KCNT1: variants seen among roughly 807,000 people sequenced by gnomAD.
KCNT1 encodes the protein potassium sodium-activated channel subfamily T member 1.
A neutral mutation model predicts 147.8 loss-of-function variants in KCNT1; 78 were observed. The ratio of observed to expected loss-of-function variants is 0.53; its 90% CI spans 0.44 to 0.64. KCNT1 has a LOEUF of 0.64. KCNT1 is among the 30% of genes least tolerant of loss of function. KCNT1 has a pLI of 0.00. For synonymous variants in KCNT1, 867 were observed against 748.8 expected (o/e 1.16, Z -2.58); for missense variants, 1,419 against 1,750.3 (o/e 0.81, Z 3.38).
At chr9:135,768,756 C>G (rs1832507043) in intron 14 of KCNT1, 73 bp from the exon 15 acceptor site, 1 of 1,542,366 alleles carries the variant, frequency 6.5e-7, no homozygotes, top group Non-Finnish European at 8.8e-7. Flanking sequence ...GAGACCTGCC[C>G]CAGGCTGCCG....
At position 135,784,460 on chromosome 9, in the gene KCNT1, C is replaced by T. The variant is rs192706978; in HGVS notation, c.2944-75C>T. 6,744 of 1,089,060 alleles carry T rather than the reference C, an allele frequency of 6.2e-3. 60 individuals are homozygous for T. Among genetic ancestry groups the T allele is most frequent in the Admixed American group, 7.2e-3 (354 of 48,848 alleles). The allele number at this position is 1,089,060 out of a possible 1,614,324, so 67.5% of individuals were successfully genotyped here. A position where few individuals can be genotyped will look rare whatever the true frequency, so the allele number is the denominator to read the frequency against. On this transcript the variant is annotated intron_variant, in intron 25 of 30. Transcript: ENST00000371757. ...GGGGTATGGACCTGTGTCCCACGCC[C>T]GTGCCCGCGTGCCTCACTGTGGCTC...
chr9:135,740,994 A>G (rs1830541418), intron 2 of KCNT1, among the ~76,000 whole-genome samples: 1 of 145,572 alleles, frequency 6.9e-6, no homozygotes, highest in Non-Finnish European at 1.5e-5. Flanking sequence ...GTCCTCAGCC[A>G]GGTTCTGCAC....
chr9:135,745,977 A>T (rs534104764), intron 2 of KCNT1, among the ~76,000 whole-genome samples: 1 of 152,316 alleles, frequency 6.6e-6, no homozygotes, highest in East Asian at 1.9e-4. Flanking sequence ...GTCGGCCTAG[A>T]GCTGACCCCA....
intron 1 of KCNT1, among the ~76,000 whole-genome samples, chr9:135,713,980 G>A (rs112805578): frequency 3.9e-5 from 6 of 152,228 alleles, no homozygotes; most frequent in East Asian, 1.9e-4. Flanking sequence ...GCAGCCCCCC[G>A]GGGTTCTGAC....
At chr9:135,780,235 C>T (rs376822347) in intron 24 of KCNT1, among the ~76,000 whole-genome samples, 1 of 149,568 alleles carries the variant, frequency 6.7e-6, no homozygotes, top group African/African-American at 2.5e-5. Flanking sequence ...GAGCAGGGAG[C>T]AGGCACCTTG....
At chr9:135,742,584 C>A (rs73574645) in intron 2 of KCNT1, among the ~76,000 whole-genome samples, 1 of 148,658 alleles carries the variant, frequency 6.7e-6, no homozygotes, top group Non-Finnish European at 1.5e-5. Flanking sequence ...CTCTCCCGTG[C>A]CCGGGGGCGC....
intron 3 of KCNT1, among the ~76,000 whole-genome samples, 196 bp downstream of exon 3, chr9:135,750,373 C>G (rs1418931114): frequency 6.6e-6 from 1 of 152,202 alleles, no homozygotes; most frequent in East Asian, 1.9e-4. Context: ...GGGTAGCCCC[C>G]TCTTAGCTTC....
In KCNT1 at chr9:135,757,394, G is replaced by T; in HGVS notation, c.759+13G>T. 6.2e-7 allele frequency: 1 copy of T among 1,602,976 alleles called. No individual in the cohort carries two copies. The highest frequency in any genetic ancestry group is 8.5e-7 in the Non-Finnish European group (1 of 1,178,208). On this transcript the variant is annotated intron_variant, in intron 9 of 30. Coordinates refer to ENST00000371757, the MANE Select transcript of KCNT1 (RefSeq NM_020822.3). ...GGAAAACATGATTGTAAGCCGGGGC[G>T]GGGGGTGCAGCTGGGACTTGGGGGG... is the stretch of plus-strand genomic sequence containing the variant.
intron 9 of KCNT1, among the ~76,000 whole-genome samples, chr9:135,758,033 G>C (rs745898530): frequency 6.7e-6 from 1 of 148,554 alleles, no homozygotes; most frequent in African/African-American, 2.5e-5. Flanking sequence ...ACAGCAGAGG[G>C]GGTGCCCTAC....
chr9:135,712,302 G>T (rs1177211822), intron 1 of KCNT1, among the ~76,000 whole-genome samples: 2 of 152,228 alleles, frequency 1.3e-5, no homozygotes, highest in African/African-American at 2.4e-5. Flanking sequence ...ACCAAACACA[G>T]AATTCTTATG....
At chr9:135,775,638 T>C (rs1783815387) in intron 20 of KCNT1, among the ~76,000 whole-genome samples, 1 of 152,226 alleles carries the variant, frequency 6.6e-6, no homozygotes, top group Non-Finnish European at 1.5e-5. Context: ...GTGTCTATGT[T>C]AGAGGCACCT....
intron 2 of KCNT1, among the ~76,000 whole-genome samples, chr9:135,732,455 C>A (rs1048700058): frequency 2.0e-5 from 3 of 152,168 alleles, no homozygotes; most frequent in African/African-American, 4.8e-5. Flanking sequence ...CAGAGCCAGC[C>A]ATCTGTGTCT....
At chr9:135,765,427 C>T (rs1027132330) in intron 12 of KCNT1, among the ~76,000 whole-genome samples, 197 bp from the exon 13 acceptor site, 4 of 152,124 alleles carry the variant, frequency 2.6e-5, no homozygotes, top group Non-Finnish European at 4.4e-5. Flanking sequence ...CCTCAGTTTA[C>T]CCCTTCAGTG....
intron 2 of KCNT1, among the ~76,000 whole-genome samples, chr9:135,740,537 C>A (rs759825949): frequency 6.6e-6 from 1 of 152,254 alleles, no homozygotes; most frequent in African/African-American, 2.4e-5. Flanking sequence ...ATGGCCCCTC[C>A]TCACCTGGGC....
At position 135,768,261 on chromosome 9, in the gene KCNT1, TGGGATACCGGTGGGGG is replaced by T. The variant is rs1564366539; in HGVS notation, c.1338-345_1338-330del. On this transcript the variant is annotated intron_variant, in intron 13 of 30. Coordinates refer to ENST00000371757, the MANE Select transcript of KCNT1 (RefSeq NM_020822.3). The stretch of plus-strand genomic sequence containing the variant: ...CCTGCGGGGGGGGGGGGGGGGGCAC[TGGGATACCGGTGGGGG>T]GGGCACAGGGATGCCTGCTGGTGGA... Among the ~76,000 whole-genome samples the T allele has an allele frequency of 3.1e-3, 22 of 7,038 alleles. 3 individuals carry two copies. The highest frequency in any genetic ancestry group is 0.018 in the African/African-American group (19 of 1,034). The allele number at this position is 7,038 out of a possible 152,430, so 4.6% of individuals were successfully genotyped here.
At chr9:135,788,834 C>G (rs367775585) in intron 29 of KCNT1, among the ~76,000 whole-genome samples, 1 of 152,202 alleles carries the variant, frequency 6.6e-6, no homozygotes, top group African/African-American at 2.4e-5. Flanking sequence ...CAGCAGAGTC[C>G]GGGCCAGGGT....
At chr9:135,768,240 C>CGGGGGGGGGGGG (rs751932639) in intron 13 of KCNT1, among the ~76,000 whole-genome samples, 1 of 5,080 alleles carries the variant, frequency 2.0e-4, no homozygotes, top group Non-Finnish European at 3.0e-4. Flanking sequence ...AGGATGCCTG[C>CGGGGGGGGGGGG]GGGGGGGGGG....
intron 29 of KCNT1, among the ~76,000 whole-genome samples, chr9:135,786,796 G>A (rs934283291): frequency 3.3e-5 from 5 of 152,254 alleles, no homozygotes; most frequent in African/African-American, 1.2e-4. Context: ...GGCATCCCTG[G>A]TGTGAGCCCC....
chr9:135,731,960 G>GTGTATATATATA (rs1471079492), intron 2 of KCNT1, among the ~76,000 whole-genome samples: 17 of 41,412 alleles, frequency 4.1e-4, no homozygotes, highest in Non-Finnish European at 5.2e-4. Flanking sequence ...AAATATGCGT[G>GTGTATATATATA]TATATATATA....
Sources: gnomAD v4.1 joint callset for allele counts (sites outside exome capture counted in the v4.1 genomes callset) on GRCh38, gnomAD v4.1.1 for gene constraint, MANE v1.5 for transcripts, NCBI Gene and HGNC (gene_info 2026-07-23, HGNC 2026-07-21) for gene names.